COMMD1: variants seen among roughly 807,000 people sequenced by gnomAD.
The protein encoded by COMMD1 is COMM domain-containing protein 1.
COMMD1 carries 10 observed loss-of-function variants against 17.2 expected under a neutral mutation model. That is an observed-to-expected ratio of 0.58 (90% CI 0.36 to 0.99). The LOEUF (loss-of-function observed/expected upper bound fraction) is 0.99, where lower values mean the gene tolerates loss of function less well. COMMD1 is among the 50% of genes least tolerant of loss of function. The probability of loss-of-function intolerance (pLI) is 0.01; values close to 1 mark genes in which losing one functional copy is unlikely to be tolerated. For synonymous variants in COMMD1, 97 were observed against 91.6 expected, an observed-to-expected ratio of 1.06 and a Z score of -0.34; for missense variants, 270 against 231.8, an observed-to-expected ratio of 1.17 and a Z score of -1.07.
intron 2 of COMMD1, among the ~76,000 whole-genome samples, chr2:62,058,700 C>T (rs1381115580): frequency 2.6e-5 from 4 of 151,912 alleles, no homozygotes; most frequent in African/African-American, 4.8e-5. Flanking sequence ...TATCGTGCTA[C>T]TACACTCAGC....
intron 1 of COMMD1, among the ~76,000 whole-genome samples, chr2:61,919,990 A>C (rs898492975): frequency 7.9e-5 from 12 of 152,168 alleles, no homozygotes; most frequent in Non-Finnish European, 1.2e-4. Flanking sequence ...TCAGCCAGGC[A>C]TACTAGCCCA....
intron 2 of COMMD1, among the ~76,000 whole-genome samples, chr2:62,052,897 C>T (rs1283454041): frequency 3.3e-5 from 5 of 152,080 alleles, no homozygotes; most frequent in African/African-American, 4.8e-5. Flanking sequence ...GACAAAACTC[C>T]GTCTCTACCA....
intron 1 of COMMD1, among the ~76,000 whole-genome samples, chr2:61,930,025 T>C (rs1670422149): frequency 6.6e-6 from 1 of 152,052 alleles, no homozygotes; most frequent in Admixed American, 6.6e-5. Flanking sequence ...GAAAGATATT[T>C]TTCCTCCCCT....
intron 2 of COMMD1, among the ~76,000 whole-genome samples, chr2:62,103,860 A>G (rs941954110): frequency 1.3e-5 from 2 of 151,788 alleles, no homozygotes; most frequent in African/African-American, 4.8e-5. Flanking sequence ...TTTTTTTCCA[A>G]GACAGGGTCT....
At chr2:62,071,891 C>T (rs1671208777) in intron 2 of COMMD1, among the ~76,000 whole-genome samples, 1 of 152,064 alleles carries the variant, frequency 6.6e-6, no homozygotes, top group African/African-American at 2.4e-5. Flanking sequence ...ACTGACCAAA[C>T]AGACTCTTTA....
chr2:61,992,371 C>T (rs1324268071), intron 1 of COMMD1, among the ~76,000 whole-genome samples: 11 of 152,058 alleles, frequency 7.2e-5, no homozygotes. Flanking sequence ...AATTTTTAGG[C>T]TGAAGTAATT....
At chr2:61,931,777 A>C (rs1210785320) in intron 1 of COMMD1, among the ~76,000 whole-genome samples, 1 of 152,228 alleles carries the variant, frequency 6.6e-6, no homozygotes, top group African/African-American at 2.4e-5. Context: ...AGAATCACAA[A>C]TTATGGTATA....
chr2:61,930,539 G>A (rs2105207500), intron 1 of COMMD1, among the ~76,000 whole-genome samples: 1 of 152,182 alleles, frequency 6.6e-6, no homozygotes, highest in South Asian at 2.1e-4. Flanking sequence ...CTGGGTGACA[G>A]AGCAAGACTC....
intron 2 of COMMD1, among the ~76,000 whole-genome samples, chr2:62,077,013 C>T (rs1381949395): frequency 1.3e-5 from 2 of 152,040 alleles, no homozygotes; most frequent in South Asian, 2.1e-4. Flanking sequence ...TGCCTGTGGC[C>T]CCAGCTACTT....
upstream of COMMD1, chr2:61,888,562 T>C (rs1324450544): frequency 1.9e-6 from 3 of 1,582,614 alleles, no homozygotes; most frequent in African/African-American, 1.3e-5. Context: ...ACCCGGATTC[T>C]GGCCGGCCGC....
At chr2:62,088,500 T>C (rs923872833) in intron 2 of COMMD1, among the ~76,000 whole-genome samples, 1 of 152,216 alleles carries the variant, frequency 6.6e-6, no homozygotes, top group African/African-American at 2.4e-5. Flanking sequence ...AGGCTGGAAA[T>C]ATAAATGGTC....
chr2:61,948,443 T>A (rs1308153347), intron 1 of COMMD1, among the ~76,000 whole-genome samples: 1 of 152,220 alleles, frequency 6.6e-6, no homozygotes, highest in African/African-American at 2.4e-5. Context: ...TTATTTAGAA[T>A]GGAGCTCTTT....
intron 1 of COMMD1, among the ~76,000 whole-genome samples, chr2:61,976,291 A>G (rs1037749977): frequency 1.1e-4 from 17 of 152,116 alleles, no homozygotes; most frequent in African/African-American, 3.9e-4. Flanking sequence ...AACCCATTTT[A>G]AATACAAAGA....
At chr2:62,019,061 T>C (rs1669534865) in intron 2 of COMMD1, among the ~76,000 whole-genome samples, 2 of 115,134 alleles carry the variant, frequency 1.7e-5, no homozygotes, top group African/African-American at 1.0e-4. Flanking sequence ...TTCCTTTCTT[T>C]CTCTCTCTCT....
At chr2:62,080,267 A>C (rs1671480327) in intron 2 of COMMD1, among the ~76,000 whole-genome samples, 1 of 152,326 alleles carries the variant, frequency 6.6e-6, no homozygotes, top group Admixed American at 6.5e-5. Flanking sequence ...AGCTTGGACA[A>C]CATAGGGAGA....
chr2:62,113,215 C>T (rs1319363125), intron 2 of COMMD1, among the ~76,000 whole-genome samples: 5 of 151,556 alleles, frequency 3.3e-5, no homozygotes, highest in Admixed American at 6.6e-5. Flanking sequence ...AGCTGGATGT[C>T]GTGGTGAGTG....
intron 1 of COMMD1, among the ~76,000 whole-genome samples, chr2:61,924,966 A>T (rs1670290999): frequency 6.6e-6 from 1 of 152,174 alleles, no homozygotes; most frequent in African/African-American, 2.4e-5. Flanking sequence ...TGGAGGCCGG[A>T]GGAAGCCCTT....
rs113016436 is a variant in COMMD1, at chr2:62,039,969, C to T, written c.462+38987C>T. Among the ~76,000 whole-genome samples the T allele has an allele frequency of 4.3e-3, 649 of 152,274 alleles. 1 individual carries two copies. Among genetic ancestry groups the T allele is most frequent in the Non-Finnish European group, 7.5e-3 (507 of 68,014 alleles). On this transcript the variant is annotated intron_variant, in intron 2 of 2. Transcript: ENST00000311832. ...ACCAATAGCCATTTGTTAAGAGTAC[C>T]GCTTAGCTGGGCACGGTGGCTTATG...
intron 2 of COMMD1, among the ~76,000 whole-genome samples, chr2:62,027,732 G>A (rs561655323): frequency 6.6e-6 from 1 of 152,062 alleles, no homozygotes; most frequent in African/African-American, 2.4e-5. Flanking sequence ...GGAGTACAGT[G>A]GTACTATCTC....
Sources: gnomAD v4.1 joint callset for allele counts (sites outside exome capture counted in the v4.1 genomes callset) on GRCh38, gnomAD v4.1.1 for gene constraint, MANE v1.5 for transcripts, NCBI Gene and HGNC (gene_info 2026-07-23, HGNC 2026-07-21) for gene names.